DPYD: variants seen among roughly 807,000 people sequenced by gnomAD.
The protein encoded by DPYD is dihydropyrimidine dehydrogenase [NADP(+)].
In DPYD, 109 loss-of-function variants were observed where a neutral mutation model predicts 116.2. That is an observed-to-expected ratio of 0.94 (90% confidence interval 0.80 to 1.10). The LOEUF is 1.10. DPYD is among the 50% of genes least tolerant of loss of function. The probability of loss-of-function intolerance (pLI) is 0.00; values close to 1 mark genes in which losing one functional copy is unlikely to be tolerated. For missense variants in DPYD, 1,302 were observed against 1,254.5 expected, an observed-to-expected ratio of 1.04 and a Z score of -0.57; for synonymous variants, 440 against 432.0, an observed-to-expected ratio of 1.02 and a Z score of -0.23.
At chr1:97,535,179 G>T (rs1649903694) in intron 12 of DPYD, among the ~76,000 whole-genome samples, 2 of 152,032 alleles carry the variant, frequency 1.3e-5, no homozygotes, top group Admixed American at 6.6e-5. Context: ...GATATTTTTT[G>T]ATCTGATCCT....
Position 97,467,682 on chromosome 1 carries a change from G to A in DPYD, c.1741-17459C>T, listed in dbSNP as rs192058636. 2.0e-4 allele frequency among the ~76,000 whole-genome samples: 30 copies of A among 152,230 alleles called. 1 individual carries two copies. The South Asian group carries it at 2.7e-3, about 14-fold the overall frequency. On this transcript the variant is annotated intron_variant, in intron 13 of 22. Coordinates refer to ENST00000370192, the MANE Select transcript of DPYD (RefSeq NM_000110.4). ...GTGAGCAGGCTTCTGATGTATTTAC[G>A]TAGGTCAATGGTCTCTAAAATTATT...
chr1:97,862,271 A>G (rs1671156060), intron 2 of DPYD, among the ~76,000 whole-genome samples: 1 of 151,946 alleles, frequency 6.6e-6, no homozygotes, highest in Non-Finnish European at 1.5e-5. Flanking sequence ...TTTATCATTT[A>G]TTACTATGAG....
intron 12 of DPYD, among the ~76,000 whole-genome samples, chr1:97,543,846 C>T (rs113784881): frequency 0.011 from 1,681 of 152,140 alleles, 15 homozygotes; most frequent in Non-Finnish European, 0.018. Flanking sequence ...CAGAGACAGA[C>T]CAGTAAGCAG....
intron 14 of DPYD, among the ~76,000 whole-genome samples, chr1:97,387,993 G>T (rs1337157436): frequency 6.6e-6 from 1 of 152,094 alleles, no homozygotes; most frequent in Non-Finnish European, 1.5e-5. Context: ...ATAGGGAATA[G>T]GATAAGTGGG....
chr1:97,866,531 G>A (rs1671387274), intron 2 of DPYD, among the ~76,000 whole-genome samples: 1 of 151,888 alleles, frequency 6.6e-6, no homozygotes, highest in African/African-American at 2.4e-5. Context: ...GCCAGGTATT[G>A]TTGTAGACCC....
intron 8 of DPYD, among the ~76,000 whole-genome samples, chr1:97,603,693 G>T (rs1422611979): frequency 1.3e-5 from 2 of 152,046 alleles, no homozygotes; most frequent in African/African-American, 4.8e-5. Context: ...TTTAAAAATT[G>T]TACTTTTACA....
intron 20 of DPYD, 46 bp from the exon 21 acceptor site, chr1:97,098,678 G>A: frequency 1.2e-6 from 2 of 1,602,630 alleles, no homozygotes; most frequent in East Asian, 2.3e-5. Flanking sequence ...GCTCAGAGAA[G>A]AGAAAAATGG....
At chr1:97,541,957 TTAG>T (rs1464587371) in intron 12 of DPYD, among the ~76,000 whole-genome samples, 1 of 152,198 alleles carries the variant, frequency 6.6e-6, no homozygotes, top group African/African-American at 2.4e-5. Flanking sequence ...TATTGAATTA[TTAG>T]TAGAAGTAAC....
At position 97,848,583 on chromosome 1, in the gene DPYD, T is replaced by TA. The variant is rs747706288; in HGVS notation, c.151-20388_151-20387insT. Among the ~76,000 whole-genome samples, 129 of 152,232 alleles carry TA rather than the reference T, an allele frequency of 8.5e-4. 1 individual carries two copies. Among genetic ancestry groups the TA allele is most frequent in the Non-Finnish European group, 1.7e-3 (115 of 68,032 alleles). On this transcript the variant is annotated intron_variant, in intron 2 of 22. Coordinates refer to ENST00000370192, the MANE Select transcript of DPYD (RefSeq NM_000110.4). ...CAACAGATGTATTAGTTTTCTTTTA[T>TA]GCGTATCTAGCATGAAAATATCAAG...
chr1:97,809,928 G>A (rs1282487221), intron 3 of DPYD, among the ~76,000 whole-genome samples: 1 of 152,060 alleles, frequency 6.6e-6, no homozygotes, highest in Non-Finnish European at 1.5e-5. Context: ...CAGGAAGGAT[G>A]GGTAACAGGC....
intron 3 of DPYD, among the ~76,000 whole-genome samples, chr1:97,794,991 T>C (rs1049214186): frequency 6.6e-6 from 1 of 152,098 alleles, no homozygotes; most frequent in Non-Finnish European, 1.5e-5. Flanking sequence ...TGTTCTAGTA[T>C]CTTTTTGTAG....
At chr1:97,364,176 T>C (rs1670905448) in intron 16 of DPYD, among the ~76,000 whole-genome samples, 1 of 152,214 alleles carries the variant, frequency 6.6e-6, no homozygotes, top group Non-Finnish European at 1.5e-5. Flanking sequence ...CCATGTTGTT[T>C]ACAGTTTTGG....
chr1:97,525,724 C>G (rs781108378), intron 12 of DPYD, among the ~76,000 whole-genome samples: 8 of 143,240 alleles, frequency 5.6e-5, no homozygotes, highest in Non-Finnish European at 1.2e-4. Flanking sequence ...CAAGAGCCAT[C>G]TAGTGGGAAG....
In DPYD at chr1:97,295,774, G is replaced by A. The variant is rs1299032934; in HGVS notation, c.2299+9485C>T. On this transcript the variant is annotated intron_variant, in intron 18 of 22. Transcript: ENST00000370192. ...TGCCAGTGCTACTGTAAGAGACATA[G>A]TTAAGTTTATATTAAAAGGAAAACC... is the stretch of plus-strand genomic sequence containing the variant. The A allele has an allele frequency of 4.1e-6, 4 of 983,886 alleles. No individual in the cohort carries two copies. The African/African-American group carries it at 7.0e-5, about 17-fold the overall frequency. The allele number at this position is 983,886 out of a possible 1,614,324, so 60.9% of individuals were successfully genotyped here. A position where few individuals can be genotyped will look rare whatever the true frequency, so the allele number is the denominator to read the frequency against.
intron 3 of DPYD, among the ~76,000 whole-genome samples, chr1:97,745,674 C>T (rs956815489): frequency 1.3e-5 from 2 of 152,036 alleles, no homozygotes; most frequent in Non-Finnish European, 2.9e-5. Flanking sequence ...TTATCTTCAT[C>T]CATAACAGAT....
At chr1:97,621,284 T>C (rs562860267) in intron 8 of DPYD, among the ~76,000 whole-genome samples, 4 of 152,252 alleles carry the variant, frequency 2.6e-5, no homozygotes, top group East Asian at 3.9e-4. Flanking sequence ...AATTGAATAA[T>C]TAAGTAAACT....
intron 16 of DPYD, among the ~76,000 whole-genome samples, chr1:97,356,207 T>G (rs1670422693): frequency 6.6e-6 from 1 of 152,212 alleles, no homozygotes; most frequent in Admixed American, 6.5e-5. Flanking sequence ...TTCATATGCC[T>G]ATTGGTCATT....
chr1:97,134,938 T>C (rs1308382419), intron 20 of DPYD, among the ~76,000 whole-genome samples: 1 of 152,040 alleles, frequency 6.6e-6, no homozygotes, highest in Admixed American at 6.6e-5. Flanking sequence ...TACGCAAAGG[T>C]GAACAGTACC....
At chr1:97,844,384 G>C (rs529784178) in intron 2 of DPYD, among the ~76,000 whole-genome samples, 5 of 152,268 alleles carry the variant, frequency 3.3e-5, no homozygotes, top group African/African-American at 1.2e-4. Flanking sequence ...TCAATCAACC[G>C]TGTGATTACA....
Sources: allele counts gnomAD v4.1 joint callset (sites outside exome capture counted in the v4.1 genomes callset), GRCh38; gene constraint gnomAD v4.1.1; transcripts MANE v1.5; gene names NCBI Gene and HGNC (gene_info 2026-07-23, HGNC 2026-07-21).